Variants in NUFIP2 observed in about 807,000 individuals in gnomAD.
The protein encoded by NUFIP2 is nuclear FMR1 interacting protein 2, also known as FMR1-interacting protein NUFIP2.
Under a neutral mutation model 56.9 loss-of-function variants are expected in NUFIP2, and 6 were observed. The ratio of observed to expected loss-of-function variants is 0.11; its 90% CI spans 0.06 to 0.21. The LOEUF (loss-of-function observed/expected upper bound fraction) is 0.21, where lower values mean the gene tolerates loss of function less well. NUFIP2 is among the 10% of genes least tolerant of loss of function. The pLI is 1.00. For synonymous variants in NUFIP2, 321 were observed against 298.2 expected (o/e 1.08, Z -0.79); for missense variants, 828 against 826.8 (o/e 1.00, Z -0.02).
At chr17:29,293,721 A>AC in intron 1 of NUFIP2, 62 bp downstream of exon 1, 1 of 837,412 alleles carries the variant, frequency 1.2e-6, no homozygotes, top group Non-Finnish European at 1.8e-6. Context: ...ATCCAGCCCC[A>AC]CCCCCATCTC....
In NUFIP2 at chr17:29,262,647, G is replaced by A. The variant is rs1367205083; in HGVS notation, c.*1892C>T. ...TGAAAATTACAATATCAGTCAAAGT[G>A]ATACAGTTTACAGGTGAAATGAAAC... On this transcript the variant is annotated 3_prime_UTR_variant, in exon 4 of 4. Coordinates refer to ENST00000225388, the MANE Select transcript of NUFIP2 (RefSeq NM_020772.3). 1.3e-5 allele frequency: 2 copies of A among 151,872 alleles called. No homozygotes were observed. The highest frequency in any genetic ancestry group is 4.8e-5 in the African/African-American group (2 of 41,314). 9.4% of individuals were successfully genotyped at this position (151,872 alleles called of 1,614,324 possible). A position where few individuals can be genotyped will look rare whatever the true frequency, so the allele number is the denominator to read the frequency against.
At chr17:29,267,885 G>A (rs970524470) in intron 2 of NUFIP2, among the ~76,000 whole-genome samples, 1 of 151,756 alleles carries the variant, frequency 6.6e-6, no homozygotes, top group East Asian at 1.9e-4. Flanking sequence ...CCTCAGGCGT[G>A]AGCCTGGATC....
rs922281866 is a variant in NUFIP2 at position 29,260,977 on chromosome 17, A to G, written c.*3562T>C. ...ACCACAGACGCTGTAAATACACTTT[A>G]TGTGAAGGTTCATTACTAAGGAGGT... On this transcript the variant is annotated 3_prime_UTR_variant, in exon 4 of 4. Coordinates refer to ENST00000225388, the MANE Select transcript of NUFIP2 (RefSeq NM_020772.3). The G allele has an allele frequency of 6.6e-6, 1 of 152,194 alleles. No individual in the cohort carries two copies. The highest frequency in any genetic ancestry group is 2.4e-5 in the African/African-American group (1 of 41,456). 9.4% of individuals were successfully genotyped at this position (152,194 alleles called of 1,614,324 possible). A position where few individuals can be genotyped will look rare whatever the true frequency, so the allele number is the denominator to read the frequency against.
chr17:29,273,497 T>TAC (rs61077728), intron 2 of NUFIP2, among the ~76,000 whole-genome samples: 9,639 of 149,004 alleles, frequency 0.065, 292 homozygotes, highest in African/African-American at 0.081. Flanking sequence ...TGCTCTCTTC[T>TAC]ACACACACAC....
At chr17:29,293,215 G>A (rs2153013209) in intron 1 of NUFIP2, among the ~76,000 whole-genome samples, 1 of 151,690 alleles carries the variant, frequency 6.6e-6, no homozygotes, top group Non-Finnish European at 1.5e-5. Context: ...AATGACCCGT[G>A]AGATGAGGGG....
rs1163372860 is a variant in NUFIP2 at position 29,264,109 on chromosome 17, G to C, written c.*430C>G. ...TCCCCGTGATTAGTGTATCACTTCA[G>C]TCACAGAACAAGATACAGAGATCTT... On this transcript the variant is annotated 3_prime_UTR_variant, in exon 4 of 4. Transcript: ENST00000225388. The C allele has an allele frequency of 6.6e-6, 1 of 152,610 alleles. No homozygotes were observed. Among genetic ancestry groups the C allele is most frequent in the African/African-American group, 2.4e-5 (1 of 41,426 alleles). 9.5% of individuals were successfully genotyped at this position (152,610 alleles called of 1,614,324 possible).
chr17:29,282,084 T>C (rs1022064752), intron 2 of NUFIP2, among the ~76,000 whole-genome samples: 19 of 151,868 alleles, frequency 1.3e-4, no homozygotes, highest in Non-Finnish European at 2.5e-4. Context: ...TTATGCTCTA[T>C]TGTATCTTTA....
In NUFIP2 at chr17:29,256,828, C is replaced by G. The variant is rs750167792; in HGVS notation, c.*7711G>C. 1.3e-5 allele frequency: 2 copies of G among 152,170 alleles called. No homozygotes were observed. Among genetic ancestry groups the G allele is most frequent in the African/African-American group, 2.4e-5 (1 of 41,438 alleles). The allele number at this position is 152,170 out of a possible 1,614,324, so 9.4% of individuals were successfully genotyped here. A position where few individuals can be genotyped will look rare whatever the true frequency, so the allele number is the denominator to read the frequency against. On this transcript the variant is annotated 3_prime_UTR_variant, in exon 4 of 4. Transcript: ENST00000225388. ...CTAAACTTGTTCTAATCAGCTTGGGCAATTTTTTAAAAGATACACGTTATC... is the reference window on the plus strand; with the variant it reads ...CTAAACTTGTTCTAATCAGCTTGGGGAATTTTTTAAAAGATACACGTTATC...
intron 3 of NUFIP2, among the ~76,000 whole-genome samples, chr17:29,266,947 A>G (rs1046937786): frequency 1.3e-5 from 2 of 151,674 alleles, no homozygotes; most frequent in African/African-American, 4.8e-5. Context: ...CTTGTTGCCC[A>G]GGCTGGAGTG....
chr17:29,290,115 C>T (rs954115108), intron 1 of NUFIP2, among the ~76,000 whole-genome samples: 4 of 151,948 alleles, frequency 2.6e-5, no homozygotes, highest in Admixed American at 2.0e-4. Context: ...GAACTCCTGA[C>T]CTCAAGTGAT....
In NUFIP2 at chr17:29,261,486, A is replaced by G. The variant is rs1598428001; in HGVS notation, c.*3053T>C. ...ATGTTAAAAATCCCCTCTAGACTGTATTTGGTTTATGCTACAGTACTAATA... is the reference window on the plus strand; with the variant it reads ...ATGTTAAAAATCCCCTCTAGACTGTGTTTGGTTTATGCTACAGTACTAATA... On this transcript the variant is annotated 3_prime_UTR_variant, in exon 4 of 4. Coordinates refer to ENST00000225388, the MANE Select transcript of NUFIP2 (RefSeq NM_020772.3). The G allele has an allele frequency of 1.3e-5, 2 of 152,120 alleles. No homozygotes were observed. Among genetic ancestry groups the G allele is most frequent in the East Asian group, 1.9e-4 (1 of 5,174 alleles). 9.4% of individuals were successfully genotyped at this position (152,120 alleles called of 1,614,324 possible).
intron 2 of NUFIP2, among the ~76,000 whole-genome samples, chr17:29,278,538 C>T (rs566196403): frequency 9.9e-5 from 15 of 151,906 alleles, no homozygotes; most frequent in South Asian, 6.3e-4. Flanking sequence ...TGAGCCACCA[C>T]GCCCGGCCCC....
At chr17:29,292,156 C>G (rs1020613654) in intron 1 of NUFIP2, among the ~76,000 whole-genome samples, 3 of 152,126 alleles carry the variant, frequency 2.0e-5, no homozygotes, top group African/African-American at 7.2e-5. Flanking sequence ...GTTTGGGGAT[C>G]AATATCGATT....
In NUFIP2 at chr17:29,262,496, T is replaced by C. The variant is rs933339481; in HGVS notation, c.*2043A>G. 6.6e-6 allele frequency: 1 copy of C among 152,540 alleles called. No individual in the cohort carries two copies. Among genetic ancestry groups the C allele is most frequent in the Non-Finnish European group, 1.5e-5 (1 of 67,994 alleles). The allele number at this position is 152,540 out of a possible 1,614,324, so 9.4% of individuals were successfully genotyped here. ...ATGCTTTAAAGCTCAAGGATGCCTCTGCTTTCAATTGTACATGGGCCTGAA... is the reference window on the plus strand; with the variant it reads ...ATGCTTTAAAGCTCAAGGATGCCTCCGCTTTCAATTGTACATGGGCCTGAA... On this transcript the variant is annotated 3_prime_UTR_variant, in exon 4 of 4. Transcript: ENST00000225388.
intron 2 of NUFIP2, among the ~76,000 whole-genome samples, chr17:29,270,352 G>A (rs142014066): frequency 2.7e-5 from 4 of 149,868 alleles, no homozygotes; most frequent in East Asian, 2.0e-4. Flanking sequence ...GATGACGATC[G>A]GAAATTCTAG....
intron 1 of NUFIP2, among the ~76,000 whole-genome samples, chr17:29,289,769 A>G (rs1381178881): frequency 1.3e-5 from 2 of 152,186 alleles, no homozygotes; most frequent in Admixed American, 6.5e-5. Flanking sequence ...CTCATTCTAC[A>G]TTAGAAAAAA....
Position 29,260,038 on chromosome 17 carries a change from GCT to G in NUFIP2, c.*4499_*4500del, listed in dbSNP as rs1207799344. The G allele has an allele frequency of 6.6e-6, 1 of 152,176 alleles. No individual in the cohort carries two copies. The highest frequency in any genetic ancestry group is 1.5e-5 in the Non-Finnish European group (1 of 68,030). The allele number at this position is 152,176 out of a possible 1,614,324, so 9.4% of individuals were successfully genotyped here. A position where few individuals can be genotyped will look rare whatever the true frequency, so the allele number is the denominator to read the frequency against. On this transcript the variant is annotated 3_prime_UTR_variant, in exon 4 of 4. Coordinates refer to ENST00000225388, the MANE Select transcript of NUFIP2 (RefSeq NM_020772.3). ...CTTTTCACCATGAAAGAATCTTGGT[GCT>G]CTGTTGATTAATTACATTAGTAAAA...
intron 2 of NUFIP2, 92 bp downstream of exon 2, chr17:29,285,900 T>C (rs1033875520): frequency 1.0e-6 from 1 of 994,270 alleles, no homozygotes; most frequent in Non-Finnish European, 1.5e-6. Flanking sequence ...ATACTCTTAA[T>C]ATGAACAACT....
In NUFIP2 at chr17:29,256,031, C is replaced by T. The variant is rs1011603830; in HGVS notation, c.*8508G>A. 2.0e-5 allele frequency: 3 copies of T among 152,194 alleles called. No individual in the cohort carries two copies. The highest frequency in any genetic ancestry group is 4.4e-5 in the Non-Finnish European group (3 of 68,040). The allele number at this position is 152,194 out of a possible 1,614,324, so 9.4% of individuals were successfully genotyped here. On this transcript the variant is annotated 3_prime_UTR_variant, in exon 4 of 4. Coordinates refer to ENST00000225388, the MANE Select transcript of NUFIP2 (RefSeq NM_020772.3). ...GAAGATCATCACGTAAATGACACTT[C>T]CTCAGAATCCATGACATCAGAAACA...
Sources: allele counts gnomAD v4.1 joint callset (sites outside exome capture counted in the v4.1 genomes callset), GRCh38; gene constraint gnomAD v4.1.1; transcripts MANE v1.5; gene names NCBI Gene and HGNC (gene_info 2026-07-23, HGNC 2026-07-21).